The following MET variants were observed in gnomAD, a reference collection of about 807,000 sequenced individuals.
The protein encoded by MET is hepatocyte growth factor receptor.
In MET, 48 loss-of-function variants were observed where a neutral mutation model predicts 133.1. The observed-to-expected ratio is 0.36, with a 90% CI of 0.29 to 0.46. The LOEUF (loss-of-function observed/expected upper bound fraction) is 0.46, where lower values mean the gene tolerates loss of function less well. Ranked by LOEUF, MET falls within the 20% of genes least tolerant of loss-of-function variation. The pLI is 1.00. For synonymous variants in MET, 628 were observed against 616.5 expected (o/e 1.02, Z -0.28); for missense variants, 1,442 against 1,695.9 (o/e 0.85, Z 2.63).
chr7:116,732,094 G>A (rs972935177), intron 3 of MET, among the ~76,000 whole-genome samples: 12 of 152,000 alleles, frequency 7.9e-5, no homozygotes, highest in Non-Finnish European at 1.5e-4. Context: ...TAATTTTCTC[G>A]TCCAGAATGG....
intron 19 of MET, among the ~76,000 whole-genome samples, chr7:116,793,763 G>A (rs975667943): frequency 1.3e-5 from 2 of 151,934 alleles, no homozygotes; most frequent in African/African-American, 4.8e-5. Context: ...GCCTGGCATG[G>A]TGGCAGGCGC....
chr7:116,750,620 C>T (rs1186030251), intron 5 of MET, among the ~76,000 whole-genome samples: 1 of 152,180 alleles, frequency 6.6e-6, no homozygotes, highest in Non-Finnish European at 1.5e-5. Flanking sequence ...GCAAAAGAAA[C>T]TATCATCAGA....
intron 8 of MET, 23 bp from the exon 9 acceptor site, chr7:116,758,436 C>G: frequency 6.2e-7 from 1 of 1,608,016 alleles, no homozygotes. Flanking sequence ...CTAAAATTCA[C>G]TTCCTTAATT....
intron 2 of MET, among the ~76,000 whole-genome samples, chr7:116,710,102 G>A (rs751368503): frequency 3.9e-4 from 59 of 151,990 alleles, no homozygotes; most frequent in Admixed American, 7.2e-4. Flanking sequence ...TTTATCTGGC[G>A]CCAATGTGGA....
chr7:116,738,917 C>A (rs1223318804), intron 3 of MET, among the ~76,000 whole-genome samples: 1 of 152,130 alleles, frequency 6.6e-6, no homozygotes, highest in Non-Finnish European at 1.5e-5. Context: ...TCACAGATGT[C>A]CATGTTTGTC....
intron 1 of MET, among the ~76,000 whole-genome samples, chr7:116,672,980 CTGTGTTA>C (rs1296452439): frequency 6.6e-6 from 1 of 152,084 alleles, no homozygotes; most frequent in African/African-American, 2.4e-5. Flanking sequence ...CTTGCTTTAT[CTGTGTTA>C]TGTTGGGGTC....
intron 1 of MET, chr7:116,695,749 G>A (rs758868205): frequency 8.2e-6 from 4 of 489,050 alleles, no homozygotes; most frequent in South Asian, 6.3e-5. Context: ...CTTCTTCACA[G>A]GGTGGTGATG....
chr7:116,686,665 A>T (rs1472796639), intron 1 of MET, among the ~76,000 whole-genome samples: 1 of 152,232 alleles, frequency 6.6e-6, no homozygotes, highest in Non-Finnish European at 1.5e-5. Context: ...CAAAAGTGAT[A>T]TTGGAGAGAT....
chr7:116,739,388 C>G (rs912401002), intron 3 of MET, among the ~76,000 whole-genome samples: 7 of 151,576 alleles, frequency 4.6e-5, no homozygotes, highest in African/African-American at 1.7e-4. Flanking sequence ...TATTGTGGGA[C>G]AGTGGTTTAT....
rs1795671195 is a variant in MET, at chr7:116,796,188, T to G, written c.*64T>G. ...CAATGGTTTTTTCACTGCCTGACCT[T>G]TAAAAGGCCATCGATATTCTTTGCT... On this transcript the variant is annotated 3_prime_UTR_variant, in exon 21 of 21. Transcript: ENST00000397752. The G allele has an allele frequency of 6.9e-7, 1 of 1,444,080 alleles. No individual in the cohort carries two copies. Among genetic ancestry groups the G allele is most frequent in the Non-Finnish European group, 9.7e-7 (1 of 1,030,226 alleles). 89.5% of individuals were successfully genotyped at this position (1,444,080 alleles called of 1,614,324 possible). A position where few individuals can be genotyped will look rare whatever the true frequency, so the allele number is the denominator to read the frequency against.
intron 1 of MET, among the ~76,000 whole-genome samples, chr7:116,686,545 CA>C (rs1408411636): frequency 6.6e-6 from 1 of 152,178 alleles, no homozygotes; most frequent in Non-Finnish European, 1.5e-5. Context: ...GTAAGTTCCA[CA>C]AGAGCAGGGG....
At chr7:116,749,660 A>C (rs759601762) in intron 5 of MET, among the ~76,000 whole-genome samples, 59 of 152,316 alleles carry the variant, frequency 3.9e-4, no homozygotes, top group Middle Eastern at 3.4e-3. Flanking sequence ...GAAGAGAGGA[A>C]GTCAAATTGT....
At chr7:116,720,810 C>A in intron 2 of MET, among the ~76,000 whole-genome samples, 1 of 119,832 alleles carries the variant, frequency 8.3e-6, no homozygotes, top group Admixed American at 9.0e-5. Flanking sequence ...GTATATTGAA[C>A]CAGCCTTGCA....
In MET at chr7:116,725,514, C is replaced by T. The variant is rs951691629; in HGVS notation, c.1201-6154C>T. On this transcript the variant is annotated intron_variant, in intron 2 of 20. Coordinates refer to ENST00000397752, the MANE Select transcript of MET (RefSeq NM_000245.4). ...CACACACAAAAGAATTATGTACGGTCCTGCATTGCTTGCATTCTGAGAAAT... is the reference window on the plus strand; with the variant it reads ...CACACACAAAAGAATTATGTACGGTTCTGCATTGCTTGCATTCTGAGAAAT... 6.0e-5 allele frequency among the ~76,000 whole-genome samples: 9 copies of T among 149,416 alleles called. No homozygotes were observed. The Admixed American group carries it at 6.1e-4, about 10-fold the overall frequency.
chr7:116,698,036 AG>A (rs555835273), intron 1 of MET, among the ~76,000 whole-genome samples: 57 of 152,268 alleles, frequency 3.7e-4, no homozygotes, highest in Non-Finnish European at 6.8e-4. Flanking sequence ...CATGATGCCT[AG>A]TATGTTTTTA....
At chr7:116,728,745 G>A (rs1792887010) in intron 2 of MET, among the ~76,000 whole-genome samples, 1 of 152,190 alleles carries the variant, frequency 6.6e-6, no homozygotes, top group South Asian at 2.1e-4. Flanking sequence ...GATAAAAGAT[G>A]ATAAGACAAT....
chr7:116,748,845 G>GA (rs1793803006), intron 5 of MET, among the ~76,000 whole-genome samples: 2 of 152,150 alleles, frequency 1.3e-5, no homozygotes, highest in South Asian at 4.1e-4. Flanking sequence ...CAAATAACTA[G>GA]AAAATCTAGA....
chr7:116,731,929 G>A (rs528747394), intron 3 of MET, 70 bp downstream of exon 3: 2 of 1,507,692 alleles, frequency 1.3e-6, no homozygotes, highest in African/African-American at 1.4e-5. Context: ...TTTCGTTTTT[G>A]CAGTAAGGTA....
At position 116,699,023 on chromosome 7, in the gene MET, T is replaced by C. The variant is rs1232623846; in HGVS notation, c.-14-48T>C. 5 of 1,612,140 alleles carry C rather than the reference T, an allele frequency of 3.1e-6. No individual in the cohort carries two copies. In the African/African-American group the frequency reaches 6.7e-5, roughly 22 times the overall value. ...ATGGTATAGGTCTTTCAGTTTTCTCTTCATTTCTGACAACTGAACTGCTCT... is the reference window on the plus strand; with the variant it reads ...ATGGTATAGGTCTTTCAGTTTTCTCCTCATTTCTGACAACTGAACTGCTCT... On this transcript the variant is annotated intron_variant, in intron 1 of 20. Coordinates refer to ENST00000397752, the MANE Select transcript of MET (RefSeq NM_000245.4).
Sources: allele counts gnomAD v4.1 joint callset (sites outside exome capture counted in the v4.1 genomes callset), GRCh38; gene constraint gnomAD v4.1.1; transcripts MANE v1.5; gene names NCBI Gene and HGNC (gene_info 2026-07-23, HGNC 2026-07-21).